Variants in CACNA2D1 observed in about 807,000 individuals in gnomAD.
The protein encoded by CACNA2D1 is calcium voltage-gated channel auxiliary subunit alpha2delta 1.
A neutral mutation model predicts 171.5 loss-of-function variants in CACNA2D1; 53 were observed. The observed-to-expected ratio is 0.31, with a 90% CI of 0.25 to 0.39. CACNA2D1 has a LOEUF of 0.39. Ranked by LOEUF, CACNA2D1 falls within the 10% of genes least tolerant of loss-of-function variation. The probability of loss-of-function intolerance (pLI) is 1.00; values close to 1 mark genes in which losing one functional copy is unlikely to be tolerated. For missense variants in CACNA2D1, 903 were observed against 1,299.8 expected (o/e 0.69, Z 4.69); for synonymous variants, 442 against 443.1 (o/e 1.00, Z 0.03).
At chr7:82,063,497 T>C (rs1252410364) in intron 9 of CACNA2D1, among the ~76,000 whole-genome samples, 2 of 152,110 alleles carry the variant, frequency 1.3e-5, no homozygotes, top group Non-Finnish European at 2.9e-5. Flanking sequence ...TGTTAATACT[T>C]GCCTGTGGGA....
intron 3 of CACNA2D1, among the ~76,000 whole-genome samples, chr7:82,200,344 A>T (rs77413104): frequency 0.064 from 9,691 of 152,098 alleles, 704 homozygotes; most frequent in East Asian, 0.2. Context: ...CATAATATTA[A>T]TTGAAATATA....
Position 82,181,440 on chromosome 7 carries a change from G to C in CACNA2D1, c.295-10831C>G, listed in dbSNP as rs1261252725. Reference sequence around the variant, plus strand: ...AAGTGTGCCCAGACCCGCTGGGGCAGCATCACCTGCATCTTGTTAGACATG... The same window carrying C: ...AAGTGTGCCCAGACCCGCTGGGGCACCATCACCTGCATCTTGTTAGACATG... On this transcript the variant is annotated intron_variant, in intron 3 of 38. Transcript: ENST00000356860. Among the ~76,000 whole-genome samples, 3 of 152,200 alleles carry C rather than the reference G, an allele frequency of 2.0e-5. No individual in the cohort carries two copies. The East Asian group carries it at 5.8e-4, about 29-fold the overall frequency.
chr7:82,154,261 CT>C (rs1794139282), intron 4 of CACNA2D1, among the ~76,000 whole-genome samples: 1 of 152,144 alleles, frequency 6.6e-6, no homozygotes, highest in South Asian at 2.1e-4. Context: ...TCTAATATCA[CT>C]TTTAATTTTT....
chr7:82,305,572 T>C (rs1813621530), intron 3 of CACNA2D1, among the ~76,000 whole-genome samples: 2 of 140,878 alleles, frequency 1.4e-5, no homozygotes, highest in Non-Finnish European at 3.3e-5. Context: ...AGACTACCTT[T>C]GCCCCTTTCT....
intron 10 of CACNA2D1, among the ~76,000 whole-genome samples, chr7:82,043,513 T>G (rs1433566659): frequency 6.6e-6 from 1 of 152,146 alleles, no homozygotes; most frequent in African/African-American, 2.4e-5. Context: ...TTTGAAACAG[T>G]TTCTGATAAA....
intron 5 of CACNA2D1, among the ~76,000 whole-genome samples, chr7:82,135,593 T>C (rs1473700558): frequency 6.6e-6 from 1 of 152,138 alleles, no homozygotes; most frequent in Non-Finnish European, 1.5e-5. Flanking sequence ...AAGTGGTTAG[T>C]AGTATGGTTT....
In CACNA2D1 at chr7:82,432,904, G is replaced by A. The variant is rs1040065644; in HGVS notation, c.95+10461C>T. ...CACACACTTAAAATCTAATGACATC[G>A]GCTGGGTGTCGCGGCTCACGCCTGT... On this transcript the variant is annotated intron_variant, in intron 1 of 38. Transcript: ENST00000356860. Among the ~76,000 whole-genome samples, 26 of 152,066 alleles carry A rather than the reference G, an allele frequency of 1.7e-4. 1 individual carries two copies. Among genetic ancestry groups the A allele is most frequent in the Non-Finnish European group, 4.4e-5 (3 of 68,018 alleles).
intron 1 of CACNA2D1, among the ~76,000 whole-genome samples, chr7:82,422,825 G>A (rs922319799): frequency 4.6e-5 from 7 of 151,890 alleles, no homozygotes; most frequent in Admixed American, 1.3e-4. Flanking sequence ...GAACATCATT[G>A]GCAACAGGCT....
chr7:82,335,469 G>A (rs1005558792), intron 2 of CACNA2D1, among the ~76,000 whole-genome samples: 3 of 152,100 alleles, frequency 2.0e-5, no homozygotes, highest in Non-Finnish European at 2.9e-5. Context: ...ATGTTAACAG[G>A]TTGTAAAACA....
At chr7:82,250,039 T>C (rs1371322812) in intron 3 of CACNA2D1, among the ~76,000 whole-genome samples, 1 of 152,204 alleles carries the variant, frequency 6.6e-6, no homozygotes. Flanking sequence ...GCGAGGGTCT[T>C]CCCATGGTGA....
At chr7:81,994,346 C>T (rs2130772059) in intron 20 of CACNA2D1, among the ~76,000 whole-genome samples, 2 of 152,030 alleles carry the variant, frequency 1.3e-5, no homozygotes, top group South Asian at 4.2e-4. Context: ...GATTTAATTT[C>T]AGATCTAAGT....
intron 3 of CACNA2D1, among the ~76,000 whole-genome samples, chr7:82,311,743 C>A (rs1406168647): frequency 6.6e-6 from 1 of 152,116 alleles, no homozygotes; most frequent in Non-Finnish European, 1.5e-5. Context: ...ATTGAAGACA[C>A]TGGTTATTTT....
chr7:82,314,671 G>C (rs1479697151), intron 3 of CACNA2D1, among the ~76,000 whole-genome samples: 2 of 151,800 alleles, frequency 1.3e-5, no homozygotes, highest in Non-Finnish European at 2.9e-5. Context: ...TTCATATTTG[G>C]ATAAAAAATA....
chr7:82,058,929 C>T (rs1333071712), intron 10 of CACNA2D1, among the ~76,000 whole-genome samples: 1 of 152,056 alleles, frequency 6.6e-6, no homozygotes, highest in Non-Finnish European at 1.5e-5. Flanking sequence ...TTTCCTATAC[C>T]TACTCTTAGG....
chr7:82,051,558 T>C (rs78400132), intron 10 of CACNA2D1, among the ~76,000 whole-genome samples: 2,766 of 152,316 alleles, frequency 0.018, 92 homozygotes, highest in African/African-American at 0.061. Flanking sequence ...TCAAAGATCC[T>C]TAACATAATC....
chr7:82,256,968 T>C (rs1402266298), intron 3 of CACNA2D1, among the ~76,000 whole-genome samples: 1 of 152,162 alleles, frequency 6.6e-6, no homozygotes, highest in Non-Finnish European at 1.5e-5. Flanking sequence ...ACCTAAACTA[T>C]GTGCTGAGAT....
intron 10 of CACNA2D1, among the ~76,000 whole-genome samples, chr7:82,060,201 T>TATATATATTA (rs747843223): frequency 3.8e-4 from 4 of 10,424 alleles, no homozygotes; most frequent in African/African-American, 7.2e-4. Flanking sequence ...TATATATATA[T>TATATATATTA]TATATATATA....
intron 36 of CACNA2D1, among the ~76,000 whole-genome samples, chr7:81,960,795 T>C (rs1186017711): frequency 6.6e-6 from 1 of 152,044 alleles, no homozygotes; most frequent in Non-Finnish European, 1.5e-5. Context: ...AACTCTGATG[T>C]ATCCAATAAA....
intron 38 of CACNA2D1, among the ~76,000 whole-genome samples, chr7:81,957,292 A>G (rs914144995): frequency 1.3e-5 from 2 of 152,156 alleles, no homozygotes; most frequent in Admixed American, 6.6e-5. Flanking sequence ...AGGATTAGAA[A>G]TGTACATGCC....
Sources: allele counts gnomAD v4.1 joint callset (sites outside exome capture counted in the v4.1 genomes callset), GRCh38; gene constraint gnomAD v4.1.1; transcripts MANE v1.5; gene names NCBI Gene and HGNC (gene_info 2026-07-23, HGNC 2026-07-21).